The following ELOVL6 variants were observed in gnomAD, a reference collection of about 807,000 sequenced individuals.
ELOVL6 encodes very long chain fatty acid elongase 6.
Under a neutral mutation model 31.7 loss-of-function variants are expected in ELOVL6, and 8 were observed. The observed-to-expected ratio is 0.25, with a 90% CI of 0.15 to 0.45. The LOEUF is 0.45. ELOVL6 is among the 20% of genes least tolerant of loss of function. ELOVL6 has a pLI of 1.00. For missense variants in ELOVL6, 126 were observed against 326.4 expected (o/e 0.39, Z 4.73); for synonymous variants, 101 against 117.7 (o/e 0.86, Z 0.92).
intron 2 of ELOVL6, among the ~76,000 whole-genome samples, chr4:110,084,901 G>C (rs1756205169): frequency 6.6e-6 from 1 of 151,812 alleles, no homozygotes; most frequent in South Asian, 2.1e-4. Context: ...CGTATGCTGT[G>C]ATATATTAAT....
At position 110,171,955 on chromosome 4, in the gene ELOVL6, C is replaced by T. The variant is rs1381700293; in HGVS notation, c.89+26292G>A. On this transcript the variant is annotated intron_variant, in intron 1 of 3. Transcript: ENST00000302274. ...TCCTCCAGCCTTGGTCCCCACGGTG[C>T]TGAGATTTCAGTTGTGAGCTACTGT... 3.3e-5 allele frequency among the ~76,000 whole-genome samples: 5 copies of T among 152,070 alleles called. No homozygotes were observed. In the South Asian group the frequency reaches 1.0e-3, roughly 32 times the overall value.
At chr4:110,128,092 G>A (rs1578501794) in intron 1 of ELOVL6, among the ~76,000 whole-genome samples, 2 of 151,856 alleles carry the variant, frequency 1.3e-5, no homozygotes, top group South Asian at 2.1e-4. Flanking sequence ...CAGGAGGCAC[G>A]ATAACCCCAT....
At chr4:110,084,229 T>TATATAAC (rs1553956040) in intron 2 of ELOVL6, among the ~76,000 whole-genome samples, 1 of 118,566 alleles carries the variant, frequency 8.4e-6, no homozygotes, top group Admixed American at 9.0e-5. Flanking sequence ...TTATATGATA[T>TATATAAC]ATATAACATA....
At chr4:110,109,254 C>T (rs142862438) in intron 1 of ELOVL6, among the ~76,000 whole-genome samples, 8 of 152,072 alleles carry the variant, frequency 5.3e-5, no homozygotes, top group African/African-American at 1.9e-4. Flanking sequence ...AGCATGGACT[C>T]TTCTTGTTTA....
chr4:110,137,453 G>C (rs765204527), intron 1 of ELOVL6, among the ~76,000 whole-genome samples: 2 of 152,140 alleles, frequency 1.3e-5, no homozygotes, highest in Non-Finnish European at 2.9e-5. Flanking sequence ...CTACTGCCTG[G>C]TGAAGGGGCC....
intron 1 of ELOVL6, among the ~76,000 whole-genome samples, chr4:110,136,936 T>G (rs190699229): frequency 2.3e-3 from 344 of 152,328 alleles, no homozygotes; most frequent in African/African-American, 7.9e-3. Context: ...GTTAAAGAGC[T>G]GTGACACTCA....
intron 2 of ELOVL6, among the ~76,000 whole-genome samples, chr4:110,097,742 A>C (rs996880505): frequency 1.3e-5 from 2 of 151,820 alleles, no homozygotes; most frequent in Non-Finnish European, 2.9e-5. Flanking sequence ...CCAGCAATTT[A>C]GTTTTAAGAA....
At chr4:110,084,457 A>ATATATGATATATCGCATATATCG (rs1756150150) in intron 2 of ELOVL6, among the ~76,000 whole-genome samples, 1 of 124,848 alleles carries the variant, frequency 8.0e-6, no homozygotes, top group Non-Finnish European at 1.6e-5. Context: ...CGCATATATC[A>ATATATGATATATCGCATATATCG]TATATGATAT....
intron 1 of ELOVL6, among the ~76,000 whole-genome samples, chr4:110,196,447 A>C (rs1759787690): frequency 6.6e-6 from 1 of 151,458 alleles, no homozygotes; most frequent in Non-Finnish European, 1.5e-5. Flanking sequence ...CTCCAGCACC[A>C]CCCCCTAAGC....
intron 1 of ELOVL6, among the ~76,000 whole-genome samples, chr4:110,111,358 C>CT (rs3033269): frequency 0.15 from 21,092 of 144,832 alleles, 1,723 homozygotes; most frequent in East Asian, 0.26. Context: ...CTTAGAATTC[C>CT]TTTTTTTTTT....
chr4:110,079,254 C>T (rs1755755815), intron 2 of ELOVL6, among the ~76,000 whole-genome samples: 1 of 152,186 alleles, frequency 6.6e-6, no homozygotes, highest in South Asian at 2.1e-4. Context: ...TAGACATCTA[C>T]AGAATTCTCC....
intron 1 of ELOVL6, among the ~76,000 whole-genome samples, chr4:110,187,977 T>C (rs1759498081): frequency 6.6e-6 from 1 of 152,250 alleles, no homozygotes. Context: ...AGGAAAAGAA[T>C]TTAAAGCTAC....
chr4:110,120,404 TA>T (rs1361487191), intron 1 of ELOVL6, among the ~76,000 whole-genome samples: 2 of 151,556 alleles, frequency 1.3e-5, no homozygotes, highest in East Asian at 3.9e-4. Flanking sequence ...TTCTTGAGTC[TA>T]AGGCCTTTTT....
intron 2 of ELOVL6, among the ~76,000 whole-genome samples, chr4:110,083,410 T>A (rs1319212367): frequency 1.3e-5 from 2 of 151,536 alleles, no homozygotes; most frequent in Non-Finnish European, 2.9e-5. Context: ...GAGGGATAAA[T>A]CACTAAGCAC....
intron 2 of ELOVL6, among the ~76,000 whole-genome samples, chr4:110,084,819 T>G (rs1167267196): frequency 2.0e-5 from 3 of 151,416 alleles, no homozygotes; most frequent in Non-Finnish European, 2.9e-5. Flanking sequence ...GGTCTCGAAC[T>G]CTTGACCTCA....
intron 1 of ELOVL6, among the ~76,000 whole-genome samples, chr4:110,158,651 ATATATATTTTT>A (rs1482670268): frequency 2.2e-5 from 2 of 89,936 alleles, no homozygotes; most frequent in South Asian, 3.2e-4. Context: ...ATATATATAT[ATATATATTTTT>A]TTTTTTTTTT....
At chr4:110,083,564 T>A (rs1755951889) in intron 2 of ELOVL6, among the ~76,000 whole-genome samples, 1 of 151,672 alleles carries the variant, frequency 6.6e-6, no homozygotes, top group Admixed American at 6.6e-5. Context: ...ATTATACAAT[T>A]CATTTTATTC....
intron 2 of ELOVL6, among the ~76,000 whole-genome samples, chr4:110,073,949 T>A (rs1214429497): frequency 3.3e-5 from 5 of 152,198 alleles, no homozygotes; most frequent in Admixed American, 3.3e-4. Flanking sequence ...GTCTCCTCCT[T>A]CTCTGCAAAA....
intron 1 of ELOVL6, among the ~76,000 whole-genome samples, chr4:110,190,716 G>C (rs989507825): frequency 6.6e-6 from 1 of 151,992 alleles, no homozygotes; most frequent in Non-Finnish European, 1.5e-5. Context: ...TGTTGGCCAG[G>C]CTGGTCTCGA....
Sources: gnomAD v4.1 joint callset for allele counts (sites outside exome capture counted in the v4.1 genomes callset) on GRCh38, gnomAD v4.1.1 for gene constraint, MANE v1.5 for transcripts, NCBI Gene and HGNC (gene_info 2026-07-23, HGNC 2026-07-21) for gene names.